Variants in CSMD3 observed in about 807,000 individuals in gnomAD.
CSMD3 encodes CUB and sushi domain-containing protein 3.
In CSMD3, 177 loss-of-function variants were observed where a neutral mutation model predicts 435.2. The ratio of observed to expected loss-of-function variants is 0.41; its 90% CI spans 0.36 to 0.46. The LOEUF is 0.46. Among genes scored for constraint, CSMD3 ranks in the 20% least tolerant of loss-of-function variants. The probability of loss-of-function intolerance (pLI) is 0.34; values close to 1 mark genes in which losing one functional copy is unlikely to be tolerated. For missense variants in CSMD3, 4,265 were observed against 4,504.6 expected (o/e 0.95, Z 1.52); for synonymous variants, 1,656 against 1,520.5 (o/e 1.09, Z -2.07).
intron 32 of CSMD3, among the ~76,000 whole-genome samples, chr8:112,462,488 C>A (rs1426390336): frequency 1.3e-5 from 2 of 152,114 alleles, no homozygotes; most frequent in African/African-American, 4.8e-5. Context: ...ACATAAACAT[C>A]GGCACTTATA....
chr8:113,225,670 C>A (rs903486730), intron 3 of CSMD3, among the ~76,000 whole-genome samples: 1 of 151,384 alleles, frequency 6.6e-6, no homozygotes, highest in African/African-American at 2.4e-5. Flanking sequence ...CGCACTCTGC[C>A]AAGAACAGTT....
At chr8:112,227,791 C>A (rs1812706463) in intron 70 of CSMD3, among the ~76,000 whole-genome samples, 1 of 152,034 alleles carries the variant, frequency 6.6e-6, no homozygotes, top group Non-Finnish European at 1.5e-5. Flanking sequence ...ACCTGTAATC[C>A]CAGCACTTTG....
At chr8:113,330,157 A>G (rs1348950603) in intron 1 of CSMD3, among the ~76,000 whole-genome samples, 1 of 152,126 alleles carries the variant, frequency 6.6e-6, no homozygotes, top group South Asian at 2.1e-4. Context: ...ACATTTAATA[A>G]TAAAATGCTA....
At chr8:113,401,388 T>C (rs2094509393) in intron 1 of CSMD3, among the ~76,000 whole-genome samples, 1 of 151,688 alleles carries the variant, frequency 6.6e-6, no homozygotes, top group Non-Finnish European at 1.5e-5. Flanking sequence ...TTAAAATGTG[T>C]TGGTTTTATT....
intron 6 of CSMD3, among the ~76,000 whole-genome samples, chr8:113,012,540 G>C (rs970572708): frequency 6.6e-6 from 1 of 151,954 alleles, no homozygotes; most frequent in African/African-American, 2.4e-5. Flanking sequence ...CTGTTCTGTT[G>C]ATAGTGAGTG....
intron 10 of CSMD3, among the ~76,000 whole-genome samples, chr8:112,904,691 C>A (rs904124425): frequency 2.0e-5 from 3 of 151,324 alleles, no homozygotes; most frequent in African/African-American, 4.8e-5. Context: ...GGCACTGATG[C>A]CACCTCAGTT....
chr8:112,846,111 A>G (rs2080309827), intron 11 of CSMD3, among the ~76,000 whole-genome samples: 1 of 152,042 alleles, frequency 6.6e-6, no homozygotes, highest in Admixed American at 6.6e-5. Flanking sequence ...AAAATGAAGC[A>G]TATATCTTAT....
intron 41 of CSMD3, among the ~76,000 whole-genome samples, chr8:112,344,651 T>A (rs1276602564): frequency 6.6e-6 from 1 of 152,146 alleles, no homozygotes; most frequent in Non-Finnish European, 1.5e-5. Flanking sequence ...AATGAACATG[T>A]GTACCCTCAA....
In CSMD3 at chr8:112,401,182, G is replaced by A. The variant is rs186643804; in HGVS notation, c.5809+5342C>T. 1.5e-4 allele frequency among the ~76,000 whole-genome samples: 23 copies of A among 152,198 alleles called. No individual in the cohort carries two copies. In the East Asian group the frequency reaches 1.7e-3, roughly 12 times the overall value. On this transcript the variant is annotated intron_variant, in intron 35 of 70. Coordinates refer to ENST00000297405, the MANE Select transcript of CSMD3 (RefSeq NM_198123.2). The stretch of plus-strand genomic sequence containing the variant: ...CGCACCACTGCACTCTAGCCTGGGT[G>A]ACAGTGCAAGACTCCATTTCAAAAA...
intron 36 of CSMD3, among the ~76,000 whole-genome samples, chr8:112,387,884 C>A (rs536783594): frequency 1.9e-4 from 29 of 152,138 alleles, no homozygotes; most frequent in Middle Eastern, 3.2e-3. Context: ...AAAATATTTA[C>A]TGAGAATACA....
At chr8:113,273,361 T>G (rs2093545117) in intron 3 of CSMD3, among the ~76,000 whole-genome samples, 1 of 152,012 alleles carries the variant, frequency 6.6e-6, no homozygotes, top group Non-Finnish European at 1.5e-5. Context: ...TATCGGTGAC[T>G]TTGTTTTTTG....
chr8:112,368,042 C>G (rs181197592), intron 38 of CSMD3, among the ~76,000 whole-genome samples: 2 of 152,216 alleles, frequency 1.3e-5, no homozygotes, highest in East Asian at 3.9e-4. Flanking sequence ...TTCTGAGTGT[C>G]ACATGGCCAT....
chr8:113,218,132 G>A (rs935305702), intron 3 of CSMD3, among the ~76,000 whole-genome samples: 1 of 149,258 alleles, frequency 6.7e-6, no homozygotes, highest in African/African-American at 2.4e-5. Flanking sequence ...TAATATTGGG[G>A]ACGATATAAA....
intron 1 of CSMD3, among the ~76,000 whole-genome samples, chr8:113,393,857 ACTTTTGGGAAGC>A (rs2094471743): frequency 6.6e-6 from 1 of 152,040 alleles, no homozygotes; most frequent in African/African-American, 2.4e-5. Context: ...ATAAAATTTA[ACTTTTGGGAAGC>A]CTTTTTCTCT....
chr8:113,320,668 C>T (rs752726246), intron 1 of CSMD3, among the ~76,000 whole-genome samples: 6 of 152,050 alleles, frequency 3.9e-5, no homozygotes, highest in Admixed American at 1.3e-4. Context: ...GCATTTGTTA[C>T]GGCTAATCGT....
chr8:112,393,340 C>G (rs558782903), intron 35 of CSMD3, among the ~76,000 whole-genome samples: 1 of 152,230 alleles, frequency 6.6e-6, no homozygotes, highest in South Asian at 2.1e-4. Flanking sequence ...GATTTGTCCC[C>G]TTCTCTCACC....
chr8:112,470,930 T>G (rs1427528066), intron 32 of CSMD3, among the ~76,000 whole-genome samples: 1 of 152,154 alleles, frequency 6.6e-6, no homozygotes, highest in Non-Finnish European at 1.5e-5. Flanking sequence ...AAAAACAGTT[T>G]TAAAAACCAA....
intron 11 of CSMD3, among the ~76,000 whole-genome samples, chr8:112,832,718 T>C (rs1208631600): frequency 6.6e-6 from 1 of 152,100 alleles, no homozygotes; most frequent in Non-Finnish European, 1.5e-5. Flanking sequence ...TTCACCCCGG[T>C]ACAACCTTGA....
At chr8:112,849,158 A>G (rs2080413129) in intron 11 of CSMD3, among the ~76,000 whole-genome samples, 1 of 152,024 alleles carries the variant, frequency 6.6e-6, no homozygotes, top group Non-Finnish European at 1.5e-5. Flanking sequence ...TCAACCTCAT[A>G]TGCCTGTCTT....
Sources: gnomAD v4.1 joint callset for allele counts (sites outside exome capture counted in the v4.1 genomes callset) on GRCh38, gnomAD v4.1.1 for gene constraint, MANE v1.5 for transcripts, NCBI Gene and HGNC (gene_info 2026-07-23, HGNC 2026-07-21) for gene names.